LEPR: variants seen among roughly 807,000 people sequenced by gnomAD.
The protein encoded by LEPR is OB receptor.
LEPR carries 56 observed loss-of-function variants against 114.7 expected under a neutral mutation model. That is an observed-to-expected ratio of 0.49 (90% confidence interval 0.39 to 0.61). LEPR has a LOEUF of 0.61. Ranked by LOEUF, LEPR falls within the 20% of genes least tolerant of loss-of-function variation. The probability of loss-of-function intolerance (pLI) is 0.00; values close to 1 mark genes in which losing one functional copy is unlikely to be tolerated. For synonymous variants in LEPR, 443 were observed against 461.4 expected (o/e 0.96, Z 0.51); for missense variants, 1,202 against 1,352.9 (o/e 0.89, Z 1.75).
At chr1:65,525,205 C>T (rs1167876622) in intron 2 of LEPR, among the ~76,000 whole-genome samples, 1 of 152,170 alleles carries the variant, frequency 6.6e-6, no homozygotes, top group African/African-American at 2.4e-5. Flanking sequence ...TCTTTTCCCA[C>T]TCCTCCCAGT....
chr1:65,565,687 A>C (rs961755277), intron 3 of LEPR, 82 bp downstream of exon 3: 2 of 1,495,420 alleles, frequency 1.3e-6, no homozygotes, highest in African/African-American at 2.8e-5. Flanking sequence ...TTTATTTATT[A>C]GCTAACAGAA....
In LEPR at chr1:65,522,320, A is replaced by G. The variant is rs558140852; in HGVS notation, c.-20-43226A>G. Among the ~76,000 whole-genome samples the G allele has an allele frequency of 9.9e-5, 15 of 152,070 alleles. No individual in the cohort carries two copies. In the East Asian group the frequency reaches 2.9e-3, roughly 29 times the overall value. On this transcript the variant is annotated intron_variant, in intron 2 of 19. Coordinates refer to ENST00000349533, the MANE Select transcript of LEPR (RefSeq NM_002303.6). Reference sequence around the variant, plus strand: ...AAGACTCACCCTCCTCATATCCCCCATTTTCCAGGTTTACTTGGAAAATAG... The same window carrying G: ...AAGACTCACCCTCCTCATATCCCCCGTTTTCCAGGTTTACTTGGAAAATAG...
At chr1:65,525,535 C>T in intron 2 of LEPR, 1 of 757,154 alleles carries the variant, frequency 1.3e-6, no homozygotes, top group Non-Finnish European at 1.6e-6. Context: ...CTCGAGTCCG[C>T]TCCTCCCGCT....
At chr1:65,473,475 A>G (rs17412368) in intron 2 of LEPR, among the ~76,000 whole-genome samples, 49,133 of 152,176 alleles carry the variant, frequency 0.32, 10,167 homozygotes, top group Non-Finnish European at 0.46. Flanking sequence ...AGAAAATGAC[A>G]ATCACATACT....
At chr1:65,462,296 G>A (rs1306300572) in intron 2 of LEPR, among the ~76,000 whole-genome samples, 1 of 152,138 alleles carries the variant, frequency 6.6e-6, no homozygotes. Flanking sequence ...ATGGTTTCCA[G>A]CTTCATCCAT....
chr1:65,601,710 T>G, intron 9 of LEPR, 28 bp downstream of exon 9: 1 of 1,613,238 alleles, frequency 6.2e-7, no homozygotes, highest in Non-Finnish European at 8.5e-7. Context: ...TTGTTCATTT[T>G]GTTCCACAAC....
At chr1:65,497,440 C>T (rs988744579) in intron 2 of LEPR, among the ~76,000 whole-genome samples, 2 of 152,028 alleles carry the variant, frequency 1.3e-5, no homozygotes, top group Non-Finnish European at 2.9e-5. Flanking sequence ...TGGACTCTTC[C>T]TAGATTGTTC....
chr1:65,573,037 G>A (rs181057605), intron 5 of LEPR, among the ~76,000 whole-genome samples: 2 of 152,276 alleles, frequency 1.3e-5, no homozygotes, highest in East Asian at 1.9e-4. Context: ...GGCTCCCCTC[G>A]TCAGAGCAAG....
rs1644865733 is a variant in LEPR, at chr1:65,641,359, G to A, written c.*4344G>A. The A allele has an allele frequency of 6.6e-6, 1 of 152,054 alleles. No individual in the cohort carries two copies. The highest frequency in any genetic ancestry group is 1.5e-5 in the Non-Finnish European group (1 of 67,994). The allele number at this position is 152,054 out of a possible 1,614,324, so 9.4% of individuals were successfully genotyped here. A position where few individuals can be genotyped will look rare whatever the true frequency, so the allele number is the denominator to read the frequency against. ...GCATGTGGTTAATACTTTCTCTTTA[G>A]TCACAACTGGTATTTTAATAAATGT... is the stretch of plus-strand genomic sequence containing the variant. On this transcript the variant is annotated 3_prime_UTR_variant, in exon 20 of 20. Coordinates refer to ENST00000349533, the MANE Select transcript of LEPR (RefSeq NM_002303.6).
intron 3 of LEPR, among the ~76,000 whole-genome samples, chr1:65,568,348 G>C (rs942262077): frequency 6.6e-6 from 1 of 152,036 alleles, no homozygotes; most frequent in African/African-American, 2.4e-5. Context: ...TGAACTTTGT[G>C]TACAATACTA....
chr1:65,518,907 T>TTCTTTCTTTCTTTCTTTC (rs1557636310), intron 2 of LEPR, among the ~76,000 whole-genome samples: 218 of 119,134 alleles, frequency 1.8e-3, no homozygotes, highest in Non-Finnish European at 2.6e-3. Context: ...CTTTCTTTCT[T>TTCTTTCTTTCTTTCTTTC]TCTTTCTTTC....
At chr1:65,451,564 G>T (rs1231297516) in intron 2 of LEPR, among the ~76,000 whole-genome samples, 4 of 152,060 alleles carry the variant, frequency 2.6e-5, no homozygotes, top group African/African-American at 4.8e-5. Flanking sequence ...TTTTTCTCAG[G>T]TTTGTCAAAG....
intron 2 of LEPR, among the ~76,000 whole-genome samples, chr1:65,517,544 A>G (rs569794785): frequency 6.6e-6 from 1 of 152,328 alleles, no homozygotes; most frequent in South Asian, 2.1e-4. Flanking sequence ...GTCATGTTCT[A>G]TGGATGGTGG....
intron 2 of LEPR, among the ~76,000 whole-genome samples, chr1:65,554,048 C>T (rs1652629190): frequency 6.6e-6 from 1 of 152,184 alleles, no homozygotes; most frequent in South Asian, 2.1e-4. Flanking sequence ...TGCAGACCAG[C>T]AAAGATTCCT....
At position 65,518,873 on chromosome 1, in the gene LEPR, T is replaced by TTCTTTTTCTTTC. The variant is rs763024512; in HGVS notation, c.-20-46672_-20-46671insCTTTTTCTTTCT. Among the ~76,000 whole-genome samples the TTCTTTTTCTTTC allele has an allele frequency of 5.1e-5, 6 of 117,322 alleles. No homozygotes were observed. The South Asian group carries it at 9.0e-4, about 18-fold the overall frequency. The allele number at this position is 117,322 out of a possible 152,430, so 77.0% of individuals were successfully genotyped here. A position where few individuals can be genotyped will look rare whatever the true frequency, so the allele number is the denominator to read the frequency against. ...TTTTCTCTTTTCTTTCTTTCTTTCTTTTTCTTTCTTTCTTTCTTTCTTTCT... is the reference window on the plus strand; with the variant it reads ...TTTTCTCTTTTCTTTCTTTCTTTCTTTCTTTTTCTTTCTTTCTTTCTTTCTTTCTTTCTTTCT... On this transcript the variant is annotated intron_variant, in intron 2 of 19. Coordinates refer to ENST00000349533, the MANE Select transcript of LEPR (RefSeq NM_002303.6).
chr1:65,513,545 G>A (rs1045600443), intron 2 of LEPR, among the ~76,000 whole-genome samples: 1 of 152,146 alleles, frequency 6.6e-6, no homozygotes, highest in African/African-American at 2.4e-5. Context: ...AACCATGAGA[G>A]TTGGCATATA....
chr1:65,540,182 T>C (rs1651089967), intron 2 of LEPR, among the ~76,000 whole-genome samples: 1 of 152,148 alleles, frequency 6.6e-6, no homozygotes, highest in Admixed American at 6.6e-5. Context: ...CCTGCCCTTA[T>C]CATTTAGAAC....
chr1:65,522,409 C>T (rs369733251), intron 2 of LEPR, among the ~76,000 whole-genome samples: 15 of 152,230 alleles, frequency 9.9e-5, no homozygotes, highest in African/African-American at 2.9e-4. Context: ...TCTGGCCACA[C>T]GACTGGTGCG....
chr1:65,604,087 A>G (rs552833180), intron 10 of LEPR, among the ~76,000 whole-genome samples: 3 of 152,182 alleles, frequency 2.0e-5, no homozygotes, highest in South Asian at 2.1e-4. Flanking sequence ...TAAATATTCT[A>G]TCACTAATAC....
Sources: allele counts gnomAD v4.1 joint callset (sites outside exome capture counted in the v4.1 genomes callset), GRCh38; gene constraint gnomAD v4.1.1; transcripts MANE v1.5; gene names NCBI Gene and HGNC (gene_info 2026-07-23, HGNC 2026-07-21).